The following SYCP3 variants were observed in gnomAD, a reference collection of about 807,000 sequenced individuals.
SYCP3 encodes the protein synaptonemal complex protein 3.
In SYCP3, 29 loss-of-function variants were observed where a neutral mutation model predicts 38.5. The observed-to-expected ratio is 0.75, with a 90% confidence interval of 0.56 to 1.03. The LOEUF is 1.03. Ranked by LOEUF, SYCP3 falls within the 50% of genes least tolerant of loss-of-function variation. The pLI is 0.00. For synonymous variants in SYCP3, 79 were observed against 80.3 expected (o/e 0.98, Z 0.08); for missense variants, 242 against 270.7 (o/e 0.89, Z 0.74).
At chr12:101,732,894 C>G (rs1280938446) in intron 6 of SYCP3, 3 of 152,252 alleles carry the variant, frequency 2.0e-5, no homozygotes, top group Admixed American at 1.3e-4. Flanking sequence ...TCTCAAACTC[C>G]CAACCTCAGG....
intron 1 of SYCP3, among the ~76,000 whole-genome samples, chr12:101,738,233 G>A (rs1016110423): frequency 6.6e-6 from 1 of 151,888 alleles, no homozygotes; most frequent in African/African-American, 2.4e-5. Context: ...AGACCAGCCT[G>A]GCCAACATGA....
intron 4 of SYCP3, among the ~76,000 whole-genome samples, chr12:101,735,891 A>G (rs927029851): frequency 9.7e-6 from 1 of 103,292 alleles, no homozygotes; most frequent in Non-Finnish European, 1.9e-5. Context: ...TTTTAAAGAC[A>G]CGGGGGTCTC....
chr12:101,731,470 A>G, intron 7 of SYCP3, 98 bp downstream of exon 7: 2 of 751,682 alleles, frequency 2.7e-6, no homozygotes, highest in Non-Finnish European at 3.9e-6. Flanking sequence ...GTTAAAGTCT[A>G]AAATGTTTTT....
intron 2 of SYCP3, chr12:101,737,602 C>T (rs975607270): frequency 3.3e-5 from 24 of 729,412 alleles, no homozygotes; most frequent in East Asian, 2.4e-4. Flanking sequence ...GCTTCTGTAA[C>T]TCCGATACTG....
intron 6 of SYCP3, chr12:101,731,948 A>G (rs1952209045): frequency 3.7e-6 from 1 of 273,418 alleles, no homozygotes; most frequent in Non-Finnish European, 7.0e-6. Flanking sequence ...TCCAATAATA[A>G]TGGTTTTCCG....
intron 6 of SYCP3, 28 bp from the exon 7 acceptor site, chr12:101,731,694 G>T: frequency 6.7e-7 from 1 of 1,492,032 alleles, no homozygotes; most frequent in Non-Finnish European, 9.1e-7. Context: ...AAAAAACTGT[G>T]TAATAACAAT....
intron 5 of SYCP3, among the ~76,000 whole-genome samples, chr12:101,734,483 A>C (rs890094316): frequency 2.0e-5 from 3 of 152,252 alleles, no homozygotes; most frequent in African/African-American, 7.2e-5. Context: ...TTTTTAGGAA[A>C]TAATGTCAAT....
At chr12:101,738,776 G>A (rs1253853545) in intron 1 of SYCP3, among the ~76,000 whole-genome samples, 1 of 152,182 alleles carries the variant, frequency 6.6e-6, no homozygotes, top group Non-Finnish European at 1.5e-5. Flanking sequence ...TGTCCACCCC[G>A]ACTCCAAGCG....
intron 6 of SYCP3, chr12:101,733,298 A>G (rs1952262105): frequency 2.5e-6 from 1 of 394,578 alleles, no homozygotes; most frequent in Admixed American, 3.9e-5. Flanking sequence ...GCCTGAAGCT[A>G]AACTGCCCCG....
In SYCP3 at chr12:101,731,681, G is replaced by GA. The variant is rs776971955; in HGVS notation, c.454-16dup. On this transcript the variant is annotated splice_polypyrimidine_tract_variant and intron_variant, in intron 6 of 8. Transcript: ENST00000392924. ...CGAAACATATTCTACAAATATAAAA[G>GA]AAAAAAAACTGTGTAATAACAATTT... is the stretch of plus-strand genomic sequence containing the variant. 1.1e-5 allele frequency: 17 copies of GA among 1,535,800 alleles called. No homozygotes were observed. Among genetic ancestry groups the GA allele is most frequent in the Admixed American group, 3.8e-5 (2 of 52,034 alleles).
chr12:101,738,323 G>A (rs1457690324), intron 1 of SYCP3, among the ~76,000 whole-genome samples: 1 of 151,466 alleles, frequency 6.6e-6, no homozygotes, highest in African/African-American at 2.4e-5. Context: ...AGCTGCTCAG[G>A]AGGCTGAGGC....
rs769994557 is a variant in SYCP3, at chr12:101,728,953, T to A, written c.685A>T (p.Lys229Ter). 6.2e-7 allele frequency: 1 copy of A among 1,613,574 alleles called. No homozygotes were observed. Among genetic ancestry groups the A allele is most frequent in the South Asian group, 1.1e-5 (1 of 91,068 alleles). Residue 229 changes from lysine to a stop codon, truncating the protein, a stop_gained, in exon 9 of 9, where the codon AAG (lysine) becomes TAG (stop). Transcript: ENST00000392924. LOFTEE classifies it high-confidence loss of function. ...CAGAATAACATGGATTGAAGAGACTTCCGAACACTTGCTATCTCTTGCTGC... is the reference window on the plus strand; with the variant it reads ...CAGAATAACATGGATTGAAGAGACTACCGAACACTTGCTATCTCTTGCTGC... ...TQQQEIASVR[K>*]SLQSMLF is the part of the protein sequence containing the mutation.
chr12:101,729,539 ATAATCTACT>A, intron 7 of SYCP3: 1 of 244,134 alleles, frequency 4.1e-6, no homozygotes, highest in South Asian at 5.8e-5. Context: ...ATATCAAGCA[ATAATCTACT>A]TATGACTAAT....
chr12:101,739,266 G>T (rs1952614812), intron 1 of SYCP3, 85 bp downstream of exon 1: 6 of 1,000,014 alleles, frequency 6.0e-6, no homozygotes, highest in Non-Finnish European at 6.0e-6. Flanking sequence ...CCCAGGCGAC[G>T]CCAGGAGGTA....
At chr12:101,730,895 C>G (rs1332020217) in intron 7 of SYCP3, among the ~76,000 whole-genome samples, 4 of 152,092 alleles carry the variant, frequency 2.6e-5, no homozygotes, top group African/African-American at 9.7e-5. Flanking sequence ...ACAAGACTAT[C>G]TAAAGGAACC....
intron 4 of SYCP3, among the ~76,000 whole-genome samples, 191 bp from the exon 5 acceptor site, chr12:101,735,235 T>A (rs1368223176): frequency 6.6e-6 from 1 of 152,204 alleles, no homozygotes; most frequent in Non-Finnish European, 1.5e-5. Flanking sequence ...AACTCTCAGC[T>A]ACTAGCACCC....
At chr12:101,738,011 G>T in intron 1 of SYCP3, 59 bp from the exon 2 acceptor site, 2 of 1,575,946 alleles carry the variant, frequency 1.3e-6, no homozygotes, top group Non-Finnish European at 1.7e-6. Flanking sequence ...TAATACACTG[G>T]TAAAAGTTTA....
chr12:101,729,316 A>G (rs1952080616), intron 7 of SYCP3, 103 bp from the exon 8 acceptor site: 1 of 1,119,252 alleles, frequency 8.9e-7, no homozygotes, highest in Non-Finnish European at 1.3e-6. Flanking sequence ...TGAATATTCA[A>G]ATGCTCATCT....
rs138101393 is a variant in SYCP3, at chr12:101,733,520, G to A, written c.453+55C>T. 2.7e-6 allele frequency: 4 copies of A among 1,477,020 alleles called. No individual in the cohort carries two copies. In the African/African-American group the frequency reaches 4.2e-5, roughly 15 times the overall value. The allele number at this position is 1,477,020 out of a possible 1,614,324, so 91.5% of individuals were successfully genotyped here. On this transcript the variant is annotated intron_variant, in intron 6 of 8. Coordinates refer to ENST00000392924, the MANE Select transcript of SYCP3 (RefSeq NM_001177949.2). ...TCCACTGGTCACAATAAAAGGCTAG[G>A]TTGTCCATTCCTACTTGAGACTTGG...
Sources: allele counts gnomAD v4.1 joint callset (sites outside exome capture counted in the v4.1 genomes callset), GRCh38; gene constraint gnomAD v4.1.1; transcripts MANE v1.5; gene names NCBI Gene and HGNC (gene_info 2026-07-23, HGNC 2026-07-21).